ACBD3: variants seen among roughly 807,000 people sequenced by gnomAD.
ACBD3 encodes the protein acyl-CoA binding domain containing 3.
Under a neutral mutation model 66.9 loss-of-function variants are expected in ACBD3, and 30 were observed. The ratio of observed to expected loss-of-function variants is 0.45; its 90% CI spans 0.34 to 0.61. The LOEUF (loss-of-function observed/expected upper bound fraction) is 0.61. Ranked by LOEUF, ACBD3 falls within the 20% of genes least tolerant of loss-of-function variation. The pLI is 0.02. For synonymous variants in ACBD3, 278 were observed against 259.8 expected, an observed-to-expected ratio of 1.07 and a Z score of -0.68; for missense variants, 544 against 664.5, an observed-to-expected ratio of 0.82 and a Z score of 1.99.
chr1:226,171,501 C>T (rs1447737116), intron 1 of ACBD3, among the ~76,000 whole-genome samples: 1 of 151,842 alleles, frequency 6.6e-6, no homozygotes, highest in African/African-American at 2.4e-5. Context: ...TTACACCTGA[C>T]AGAATTAAAA....
chr1:226,166,650 G>A (rs1159311228), intron 1 of ACBD3, among the ~76,000 whole-genome samples: 1 of 150,944 alleles, frequency 6.6e-6, no homozygotes, highest in Non-Finnish European at 1.5e-5. Flanking sequence ...ATCATACGTG[G>A]AAAATGTTTT....
At chr1:226,180,642 C>A (rs1656149813) in intron 1 of ACBD3, among the ~76,000 whole-genome samples, 1 of 152,140 alleles carries the variant, frequency 6.6e-6, no homozygotes, top group Non-Finnish European at 1.5e-5. Context: ...TATTTGTGTA[C>A]TTTAGTGCAC....
At position 226,154,637 on chromosome 1, in the gene ACBD3, C is replaced by T. The variant is rs1416046837; in HGVS notation, c.1090+10G>A. On this transcript the variant is annotated intron_variant, in intron 6 of 7. Transcript: ENST00000366812. ...TATGACATCTGGACAAACACATATG[C>T]AAAACCTACCTTTTGGTCCATTCTC... 2.5e-6 allele frequency: 4 copies of T among 1,604,394 alleles called. No individual in the cohort carries two copies. The highest frequency in any genetic ancestry group is 3.4e-6 in the Non-Finnish European group (4 of 1,175,500).
At chr1:226,155,349 G>A (rs539909585) in intron 5 of ACBD3, among the ~76,000 whole-genome samples, 3 of 151,596 alleles carry the variant, frequency 2.0e-5, no homozygotes, top group East Asian at 1.9e-4. Context: ...CTCGGGAGGC[G>A]GAGGTTGCAG....
At chr1:226,173,239 C>T (rs1655897021) in intron 1 of ACBD3, among the ~76,000 whole-genome samples, 1 of 152,072 alleles carries the variant, frequency 6.6e-6, no homozygotes, top group South Asian at 2.1e-4. Context: ...CCACTGCACT[C>T]CAGCCTGAGT....
chr1:226,181,776 G>A (rs1656175246), intron 1 of ACBD3, among the ~76,000 whole-genome samples: 1 of 152,096 alleles, frequency 6.6e-6, no homozygotes, highest in Admixed American at 6.6e-5. Flanking sequence ...TATTAGAGAA[G>A]GAAAAGTCCA....
Position 226,154,758 on chromosome 1 carries a change from C to T in ACBD3, c.979G>A (p.Val327Ile), listed in dbSNP as rs1659641045. Residue 327 changes from valine (V) to isoleucine (I), a missense_variant, in exon 6 of 8, where the codon GTA (valine) becomes ATA (isoleucine). Val to Ile is a conservative substitution (Grantham distance 29, BLOSUM62 3). Coordinates refer to ENST00000366812, the MANE Select transcript of ACBD3 (RefSeq NM_022735.4). ...TTAACTGACATCATATTACTTGGTA[C>T]AGTTGCATTCACTTTTGATGATGTA... ...LPTSSKVNAT[V>I]PSNMMSVNGQ... The T allele has an allele frequency of 1.2e-6, 2 of 1,613,668 alleles. No individual in the cohort carries two copies. The highest frequency in any genetic ancestry group is 1.3e-5 in the African/African-American group (1 of 74,890).
At chr1:226,166,382 C>A (rs1222838914) in intron 1 of ACBD3, among the ~76,000 whole-genome samples, 2 of 151,964 alleles carry the variant, frequency 1.3e-5, no homozygotes. Flanking sequence ...AGCCTCTCGT[C>A]TTGGCCTCCT....
At chr1:226,161,316 T>C (rs1031489773) in intron 4 of ACBD3, among the ~76,000 whole-genome samples, 9 of 152,030 alleles carry the variant, frequency 5.9e-5, no homozygotes, top group Non-Finnish European at 1.3e-4. Context: ...TTTTTTGTAT[T>C]TTTAATAGAA....
intron 5 of ACBD3, 65 bp from the exon 6 acceptor site, chr1:226,154,898 G>C: frequency 7.1e-7 from 1 of 1,407,146 alleles, no homozygotes; most frequent in Non-Finnish European, 9.5e-7. Flanking sequence ...CATCTGCCCT[G>C]GAGTACATCT....
chr1:226,166,380 G>A (rs527990740), intron 1 of ACBD3, among the ~76,000 whole-genome samples: 4 of 151,982 alleles, frequency 2.6e-5, no homozygotes, highest in South Asian at 2.1e-4. Context: ...CAAGCCTCTC[G>A]TCTTGGCCTC....
chr1:226,169,308 T>C (rs1659941329), intron 1 of ACBD3, among the ~76,000 whole-genome samples: 3 of 150,808 alleles, frequency 2.0e-5, no homozygotes, highest in Non-Finnish European at 1.5e-5. Flanking sequence ...AGTGCCGTGG[T>C]GCGATCTCGG....
At chr1:226,164,765 G>C in intron 3 of ACBD3, 24 bp downstream of exon 3, 1 of 1,602,524 alleles carries the variant, frequency 6.2e-7, no homozygotes, top group Admixed American at 1.7e-5. Flanking sequence ...CAGCAATAAA[G>C]TATTCCATGC....
At position 226,164,946 on chromosome 1, in the gene ACBD3, GAA is replaced by G. The variant is rs1371613745; in HGVS notation, c.429-19_429-18del. On this transcript the variant is annotated intron_variant, in intron 2 of 7. Coordinates refer to ENST00000366812, the MANE Select transcript of ACBD3 (RefSeq NM_022735.4). ...CATTCTCTCCTGTAAGGAATAACAA[GAA>G]AAGTTACCTCCCCTTCTTAGTAGAA... 6.6e-7 allele frequency: 1 copy of G among 1,525,306 alleles called. No individual in the cohort carries two copies. Among genetic ancestry groups the G allele is most frequent in the Admixed American group, 2.2e-5 (1 of 45,634 alleles). 94.5% of individuals were successfully genotyped at this position (1,525,306 alleles called of 1,614,324 possible). A position where few individuals can be genotyped will look rare whatever the true frequency, so the allele number is the denominator to read the frequency against.
At chr1:226,180,327 G>GT (rs1406423341) in intron 1 of ACBD3, among the ~76,000 whole-genome samples, 7 of 152,124 alleles carry the variant, frequency 4.6e-5, no homozygotes, top group Non-Finnish European at 8.8e-5. Context: ...ATTCTCAGAA[G>GT]TACCTCCTTT....
intron 4 of ACBD3, among the ~76,000 whole-genome samples, chr1:226,160,202 C>T (rs1169757778): frequency 6.6e-6 from 1 of 151,964 alleles, no homozygotes; most frequent in Non-Finnish European, 1.5e-5. Context: ...AGCGATTCTC[C>T]TGCCTCAGCC....
intron 1 of ACBD3, among the ~76,000 whole-genome samples, chr1:226,180,653 T>G (rs558194406): frequency 1.1e-4 from 17 of 152,332 alleles, no homozygotes; most frequent in Non-Finnish European, 2.4e-4. Context: ...TTTAGTGCAC[T>G]GCATGTGTGA....
chr1:226,160,095 C>CT (rs199846671), intron 4 of ACBD3, among the ~76,000 whole-genome samples: 29,943 of 143,034 alleles, frequency 0.21, 3,160 homozygotes, highest in South Asian at 0.37. Flanking sequence ...CATGCTTCTT[C>CT]TTTTTTTTTT....
At chr1:226,155,633 G>T (rs1190465146) in intron 5 of ACBD3, among the ~76,000 whole-genome samples, 1 of 151,768 alleles carries the variant, frequency 6.6e-6, no homozygotes, top group Admixed American at 6.6e-5. Context: ...ATCTGGTATG[G>T]GCCCCCAAAG....
Sources: gnomAD v4.1 joint callset for allele counts (sites outside exome capture counted in the v4.1 genomes callset) on GRCh38, gnomAD v4.1.1 for gene constraint, MANE v1.5 for transcripts, NCBI Gene and HGNC (gene_info 2026-07-23, HGNC 2026-07-21) for gene names.